The following PLXDC2 variants were observed in gnomAD, a reference collection of about 807,000 sequenced individuals.
PLXDC2 encodes the protein plexin domain-containing protein 2.
In PLXDC2, 40 loss-of-function variants were observed where a neutral mutation model predicts 68.9. The observed-to-expected ratio is 0.58, with a 90% CI of 0.45 to 0.76. The LOEUF is 0.76. Among genes scored for constraint, PLXDC2 ranks in the 30% least tolerant of loss-of-function variants. The pLI is 0.00. For synonymous variants in PLXDC2, 243 were observed against 234.2 expected (o/e 1.04, Z -0.34); for missense variants, 644 against 661.9 (o/e 0.97, Z 0.30).
intron 1 of PLXDC2, among the ~76,000 whole-genome samples, chr10:19,886,649 C>T (rs4748620): frequency 6.6e-6 from 1 of 152,108 alleles, no homozygotes; most frequent in Non-Finnish European, 1.5e-5. Context: ...CTATCTATGA[C>T]AAACCCACAG....
intron 1 of PLXDC2, among the ~76,000 whole-genome samples, chr10:19,863,412 T>C (rs1368356330): frequency 6.6e-6 from 1 of 152,222 alleles, no homozygotes; most frequent in Non-Finnish European, 1.5e-5. Flanking sequence ...TTGACTCTTA[T>C]AAACTGATAG....
chr10:19,886,936 A>G (rs540848825), intron 1 of PLXDC2, among the ~76,000 whole-genome samples: 7 of 152,358 alleles, frequency 4.6e-5, no homozygotes, highest in African/African-American at 1.4e-4. Flanking sequence ...CCTAAGTCAT[A>G]TAACCTCTGG....
At chr10:20,106,592 G>A (rs879098975) in intron 4 of PLXDC2, among the ~76,000 whole-genome samples, 1 of 152,114 alleles carries the variant, frequency 6.6e-6, no homozygotes, top group Non-Finnish European at 1.5e-5. Context: ...CAGGAGGGGG[G>A]AGCTGTCATA....
intron 7 of PLXDC2, among the ~76,000 whole-genome samples, chr10:20,167,283 A>G (rs1834388269): frequency 3.3e-5 from 5 of 152,192 alleles, no homozygotes; most frequent in Admixed American, 2.0e-4. Flanking sequence ...GAGCTTCTGT[A>G]TAACAAGAGA....
chr10:20,192,464 A>G (rs183665215), intron 9 of PLXDC2, among the ~76,000 whole-genome samples: 1 of 152,226 alleles, frequency 6.6e-6, no homozygotes, highest in Admixed American at 6.6e-5. Flanking sequence ...AAAAATTAAA[A>G]CCACAGACTG....
At chr10:19,910,737 G>A (rs1361538704) in intron 1 of PLXDC2, among the ~76,000 whole-genome samples, 1 of 151,926 alleles carries the variant, frequency 6.6e-6, no homozygotes, top group Non-Finnish European at 1.5e-5. Context: ...CAGGCCGGGT[G>A]CAGTGGCTCA....
chr10:20,063,261 A>G (rs1836137382), intron 3 of PLXDC2, among the ~76,000 whole-genome samples: 1 of 152,224 alleles, frequency 6.6e-6, no homozygotes, highest in Admixed American at 6.5e-5. Context: ...GGTGACTACT[A>G]ATTTTCTTCC....
intron 12 of PLXDC2, among the ~76,000 whole-genome samples, chr10:20,233,095 T>C (rs1251528968): frequency 6.6e-6 from 1 of 152,168 alleles, no homozygotes; most frequent in East Asian, 1.9e-4. Flanking sequence ...TCTGATCATG[T>C]GATTCATGTT....
chr10:20,045,357 G>T (rs1835779183), intron 2 of PLXDC2, among the ~76,000 whole-genome samples: 1 of 152,118 alleles, frequency 6.6e-6, no homozygotes, highest in African/African-American at 2.4e-5. Context: ...TTTTAGTAGA[G>T]ACTGTGTTTT....
intron 1 of PLXDC2, among the ~76,000 whole-genome samples, chr10:19,932,098 A>G (rs1169903110): frequency 6.6e-6 from 1 of 152,178 alleles, no homozygotes; most frequent in Non-Finnish European, 1.5e-5. Context: ...CAGTCCCAGT[A>G]GGTCCTAGGT....
chr10:20,234,058 C>G (rs1396535377), intron 12 of PLXDC2, among the ~76,000 whole-genome samples: 1 of 151,924 alleles, frequency 6.6e-6, no homozygotes, highest in Non-Finnish European at 1.5e-5. Context: ...AACTCCTGGC[C>G]TCAACTGATC....
chr10:20,068,952 G>T (rs903367461), intron 4 of PLXDC2, among the ~76,000 whole-genome samples: 1 of 152,100 alleles, frequency 6.6e-6, no homozygotes, highest in African/African-American at 2.4e-5. Flanking sequence ...GAATATCCCT[G>T]TAGGCTTTAT....
At chr10:19,957,113 T>C (rs540414989) in intron 1 of PLXDC2, among the ~76,000 whole-genome samples, 15 of 152,304 alleles carry the variant, frequency 9.8e-5, no homozygotes, top group African/African-American at 3.6e-4. Context: ...ATTTATATGC[T>C]TTATTTGAAA....
chr10:20,025,773 A>G (rs573215049), intron 2 of PLXDC2, among the ~76,000 whole-genome samples: 4 of 152,072 alleles, frequency 2.6e-5, no homozygotes, highest in Non-Finnish European at 5.9e-5. Flanking sequence ...TAAGTTCCTT[A>G]TACATTTTGG....
chr10:20,151,633 C>T (rs369085615), intron 6 of PLXDC2, among the ~76,000 whole-genome samples: 1 of 152,058 alleles, frequency 6.6e-6, no homozygotes, highest in African/African-American at 2.4e-5. Flanking sequence ...TTCCAATAAG[C>T]GTTTCTTAAT....
chr10:20,162,071 AGAAGGAAGGAAGGAAG>A (rs1181393820), intron 6 of PLXDC2, among the ~76,000 whole-genome samples: 7 of 44,904 alleles, frequency 1.6e-4, no homozygotes, highest in Admixed American at 2.6e-4. Context: ...AGAGAGAGAG[AGAAGGAAGGAAGGAAG>A]GAAGGAAGGA....
At chr10:20,275,628 A>G (rs540376175) in intron 13 of PLXDC2, among the ~76,000 whole-genome samples, 2 of 152,118 alleles carry the variant, frequency 1.3e-5, no homozygotes, top group Admixed American at 1.3e-4. Flanking sequence ...AAAAGGAAGG[A>G]AGGGTCGGGC....
chr10:20,243,244 G>C (rs1835541562), intron 12 of PLXDC2, among the ~76,000 whole-genome samples: 1 of 151,998 alleles, frequency 6.6e-6, no homozygotes. Flanking sequence ...TGCAACCCTA[G>C]CTCATTTTTT....
chr10:19,862,778 A>G (rs72784128), intron 1 of PLXDC2, among the ~76,000 whole-genome samples: 6,891 of 152,272 alleles, frequency 0.045, 199 homozygotes, highest in Middle Eastern at 0.11. Flanking sequence ...ACAGATACCC[A>G]GCCTTCTTAA....
Sources: gnomAD v4.1 joint callset for allele counts (sites outside exome capture counted in the v4.1 genomes callset) on GRCh38, gnomAD v4.1.1 for gene constraint, MANE v1.5 for transcripts, NCBI Gene and HGNC (gene_info 2026-07-23, HGNC 2026-07-21) for gene names.